CASK: variants seen among roughly 807,000 people sequenced by gnomAD.
CASK encodes peripheral plasma membrane protein CASK.
In CASK, 4 loss-of-function variants were observed where a neutral mutation model predicts 82.9. The observed-to-expected ratio is 0.05, with a 90% CI of 0.02 to 0.11. CASK has a LOEUF of 0.11. Ranked by LOEUF, CASK falls within the 10% of genes least tolerant of loss-of-function variation. CASK has a pLI of 1.00. For synonymous variants in CASK, 259 were observed against 253.5 expected (o/e 1.02, Z -0.20); for missense variants, 358 against 720.9 (o/e 0.50, Z 5.76).
At chrX:41,583,083 T>G (rs905020614) in intron 14 of CASK, among the ~76,000 whole-genome samples, 1 of 111,955 alleles carries the variant, frequency 8.9e-6, no homozygotes, top group African/African-American at 3.2e-5. Context: ...GGCATTTACT[T>G]ATTTGATAAA....
chrX:41,689,233 G>A (rs773520702), intron 5 of CASK: 1 of 111,846 alleles, frequency 8.9e-6, no homozygotes, highest in South Asian at 3.7e-4. Flanking sequence ...TGAGTAAATT[G>A]CTTGAATGAC....
At chrX:41,689,583 G>A (rs1292269033) in intron 5 of CASK, among the ~76,000 whole-genome samples, 1 of 111,510 alleles carries the variant, frequency 9.0e-6, no homozygotes, top group Non-Finnish European at 1.9e-5. Context: ...TAAATAAGGT[G>A]AATATTAGAT....
intron 4 of CASK, among the ~76,000 whole-genome samples, chrX:41,743,980 G>A (rs1012979036): frequency 9.2e-6 from 1 of 108,970 alleles, no homozygotes; most frequent in East Asian, 2.9e-4. Flanking sequence ...GCATGGTGGC[G>A]CATCCTGTAA....
chrX:41,671,314 G>A (rs149954887), intron 6 of CASK, 114 bp downstream of exon 6: 4 of 522,628 alleles, frequency 7.7e-6, no homozygotes, highest in Non-Finnish European at 1.4e-5. Context: ...GAGTTGGGGT[G>A]GGGTGGAATG....
At chrX:41,523,888 C>T in intron 26 of CASK, 63 bp downstream of exon 26, 1 of 832,097 alleles carries the variant, frequency 1.2e-6, no homozygotes, top group Non-Finnish European at 1.8e-6. Context: ...ACGCTTCTGA[C>T]TGTGCTGGGG....
chrX:41,678,957 C>T (rs748641244), intron 5 of CASK, among the ~76,000 whole-genome samples: 2 of 108,005 alleles, frequency 1.9e-5, no homozygotes, highest in South Asian at 8.2e-4. Context: ...TGGCGTGCAC[C>T]TGTGGTCCCA....
chrX:41,658,590 G>C (rs1282428489), intron 8 of CASK, among the ~76,000 whole-genome samples: 2 of 111,850 alleles, frequency 1.8e-5, no homozygotes, highest in Non-Finnish European at 3.8e-5. Context: ...AGAAAAAGAG[G>C]AGGAGCAAGG....
At chrX:41,852,361 AAAG>A (rs1232920568) in intron 2 of CASK, among the ~76,000 whole-genome samples, 1 of 111,297 alleles carries the variant, frequency 9.0e-6, no homozygotes, top group Non-Finnish European at 1.9e-5. Flanking sequence ...GGGAAGGACT[AAAG>A]AAGGATTCAT....
intron 1 of CASK, among the ~76,000 whole-genome samples, chrX:41,888,728 T>C (rs1389579497): frequency 9.7e-6 from 1 of 103,606 alleles, no homozygotes; most frequent in South Asian, 4.1e-4. Flanking sequence ...TATGTGAATA[T>C]ATGTATATAT....
intron 3 of CASK, among the ~76,000 whole-genome samples, chrX:41,779,704 A>G: frequency 8.9e-6 from 1 of 111,869 alleles, no homozygotes; most frequent in Non-Finnish European, 1.9e-5. Flanking sequence ...AAAATGCTAC[A>G]GTACAGATAT....
intron 5 of CASK, among the ~76,000 whole-genome samples, chrX:41,734,670 C>T: frequency 9.0e-6 from 1 of 111,151 alleles, no homozygotes; most frequent in Non-Finnish European, 1.9e-5. Context: ...TTTTTGTGCC[C>T]CAGGGGACAT....
At chrX:41,845,565 CT>C (rs780037168) in intron 2 of CASK, among the ~76,000 whole-genome samples, 2 of 111,512 alleles carry the variant, frequency 1.8e-5, no homozygotes, top group East Asian at 5.6e-4. Context: ...TCATTTTCTA[CT>C]CATTTACTTT....
intron 1 of CASK, among the ~76,000 whole-genome samples, chrX:41,866,373 G>T (rs1468236569): frequency 1.8e-5 from 2 of 112,252 alleles, no homozygotes; most frequent in Non-Finnish European, 3.8e-5. Flanking sequence ...GGTGATTCTG[G>T]GTTGTAGGTC....
At chrX:41,727,219 T>G (rs1300243043) in intron 5 of CASK, 1 of 1,199,903 alleles carries the variant, frequency 8.3e-7, no homozygotes, top group African/African-American at 1.7e-5. Flanking sequence ...CTTACTTGTG[T>G]GCAGTGCCAT....
At chrX:41,611,358 C>T (rs1354876719) in intron 11 of CASK, among the ~76,000 whole-genome samples, 4 of 110,964 alleles carry the variant, frequency 3.6e-5, no homozygotes, top group Admixed American at 2.9e-4. Flanking sequence ...ATCAAAAAGC[C>T]TTAAAAATGT....
At chrX:41,865,854 G>C (rs2071581982) in intron 1 of CASK, among the ~76,000 whole-genome samples, 1 of 111,786 alleles carries the variant, frequency 8.9e-6, no homozygotes, top group Non-Finnish European at 1.9e-5. Context: ...CATCTGCAGG[G>C]ATAAAAGGTA....
intron 5 of CASK, among the ~76,000 whole-genome samples, chrX:41,708,188 G>T (rs776766631): frequency 5.4e-5 from 6 of 110,660 alleles, no homozygotes; most frequent in African/African-American, 2.0e-4. Flanking sequence ...ACACTGACAG[G>T]AGGAAGTGAC....
intron 5 of CASK, among the ~76,000 whole-genome samples, chrX:41,672,348 T>C (rs1168466209): frequency 9.0e-6 from 1 of 110,840 alleles, no homozygotes; most frequent in Non-Finnish European, 1.9e-5. Flanking sequence ...TGGGACCTAG[T>C]TGGGGCTGGT....
intron 16 of CASK, among the ~76,000 whole-genome samples, 175 bp downstream of exon 16, chrX:41,569,493 C>A (rs1181619183): frequency 9.0e-6 from 1 of 111,261 alleles, no homozygotes; most frequent in East Asian, 2.8e-4. Flanking sequence ...TGATGGCATG[C>A]ACCTGTGGAA....
Sources: gnomAD v4.1 joint callset for allele counts (sites outside exome capture counted in the v4.1 genomes callset) on GRCh38, gnomAD v4.1.1 for gene constraint, MANE v1.5 for transcripts, NCBI Gene and HGNC (gene_info 2026-07-23, HGNC 2026-07-21) for gene names.